The following SLF2 variants were observed in gnomAD, a reference collection of about 807,000 sequenced individuals.
SLF2 encodes the protein SMC5/6 complex localization factor 2, also known as SMC5-SMC6 complex localization factor protein 2.
Under a neutral mutation model 124.3 loss-of-function variants are expected in SLF2, and 68 were observed. That is an observed-to-expected ratio of 0.55 (90% CI 0.45 to 0.67). SLF2 has a LOEUF of 0.67. SLF2 is among the 30% of genes least tolerant of loss of function. The pLI, the probability that SLF2 is intolerant of heterozygous loss-of-function variation, is 0.00. For missense variants in SLF2, 1,246 were observed against 1,373.7 expected (o/e 0.91, Z 1.47); for synonymous variants, 480 against 478.8 (o/e 1.00, Z -0.03).
chr10:100,924,452 C>T lies in SLF2; in HGVS notation c.1451C>T (p.Ser484Phe). ...CTTTCCCGTGTTCCAAGTGCTGGTT[C>T]CTCTCTAGTACCATTAAATGCTAAA... is the stretch of plus-strand genomic sequence containing the variant. Reference protein sequence around the residue: ...PLLSRVPSAGSSLVPLNAKNC... With the variant: ...PLLSRVPSAGFSLVPLNAKNC... The change falls in exon 5 of 20, where the codon TCC becomes TTC. Residue 484 changes from serine (S) to phenylalanine (F), a missense_variant. Ser to Phe is a radical substitution (Grantham distance 155). Around this residue, in one of 3 missense-constraint regions of SLF2, gnomAD observed 698 missense variants for 708.9 expected, o/e 0.98. Transcript: ENST00000238961. 2.5e-6 allele frequency: 4 copies of T among 1,614,144 alleles called. No individual in the cohort carries two copies. In the South Asian group the frequency reaches 4.4e-5, roughly 18 times the overall value.
chr10:100,935,854 T>C (rs953827221), intron 9 of SLF2, among the ~76,000 whole-genome samples: 2 of 132,230 alleles, frequency 1.5e-5, no homozygotes, highest in Non-Finnish European at 3.2e-5. Flanking sequence ...GGTTTTTTTT[T>C]TTTTCTTTTT....
At chr10:100,958,418 TGAGCATTCATTG>T in intron 18 of SLF2, among the ~76,000 whole-genome samples, 1 of 152,374 alleles carries the variant, frequency 6.6e-6, no homozygotes, top group Admixed American at 6.5e-5. Context: ...CACATTCTTT[TGAGCATTCATTG>T]ACCAGAATTG....
At chr10:100,930,718 C>G (rs1163186712) in intron 8 of SLF2, among the ~76,000 whole-genome samples, 1 of 152,198 alleles carries the variant, frequency 6.6e-6, no homozygotes. Context: ...TTGATAGGCT[C>G]TTTCTCAACA....
Position 100,925,352 on chromosome 10 carries a change from A to T in SLF2, c.1971+380A>T, listed in dbSNP as rs541625286. 3.9e-5 allele frequency among the ~76,000 whole-genome samples: 6 copies of T among 152,336 alleles called. No individual in the cohort carries two copies. The South Asian group carries it at 1.0e-3, about 26-fold the overall frequency. The stretch of plus-strand genomic sequence containing the variant: ...TTCCTGTAGAAGTGACGTAGAAGTT[A>T]CTATAGACTAAGTTCTACTGGAGTC... On this transcript the variant is annotated intron_variant, in intron 5 of 19. Transcript: ENST00000238961.
chr10:100,940,550 C>T (rs1421923222), intron 11 of SLF2, among the ~76,000 whole-genome samples: 4 of 151,982 alleles, frequency 2.6e-5, no homozygotes, highest in Non-Finnish European at 5.9e-5. Context: ...TTTGTGGAGA[C>T]GAAGTTTTGC....
Position 100,931,012 on chromosome 10 carries a change from A to G in SLF2, c.2370A>G (p.Gln790=). ...CAGATCAGATTTTTTTGACAACACA[A>G]GGTTTCCTTACGTCTGCTTATCACT... The part of the protein sequence containing the change: ...GKTDQIFLTT[Q]GFLTSAYHYV... The change falls in exon 9 of 20, where the codon CAA becomes CAG. Residue 790 remains glutamine, a synonymous_variant. Transcript: ENST00000238961. The G allele has an allele frequency of 6.2e-7, 1 of 1,614,068 alleles. No individual in the cohort carries two copies. The highest frequency in any genetic ancestry group is 1.6e-4 in the Middle Eastern group (1 of 6,062).
intron 17 of SLF2, among the ~76,000 whole-genome samples, chr10:100,952,115 G>A (rs527825226): frequency 2.6e-5 from 4 of 151,972 alleles, no homozygotes; most frequent in East Asian, 3.9e-4. Flanking sequence ...GTGTTGGTGC[G>A]TGCATGTAAT....
chr10:100,958,943 G>A (rs1437803215), intron 18 of SLF2, among the ~76,000 whole-genome samples: 1 of 152,196 alleles, frequency 6.6e-6, no homozygotes, highest in Non-Finnish European at 1.5e-5. Flanking sequence ...AGCATGGAGA[G>A]GAGTAACAGT....
intron 9 of SLF2, among the ~76,000 whole-genome samples, chr10:100,931,363 A>G (rs1253749581): frequency 6.6e-6 from 1 of 152,222 alleles, no homozygotes; most frequent in Non-Finnish European, 1.5e-5. Context: ...TCTAATGCTT[A>G]CATACCTAAA....
chr10:100,914,007 A>G, intron 1 of SLF2: 2 of 564,036 alleles, frequency 3.5e-6, no homozygotes, highest in Non-Finnish European at 4.5e-6. Flanking sequence ...CCAGAAAGCT[A>G]TGAAAACCAA....
rs770315650 is a variant in SLF2, at chr10:100,913,208, C to T, written c.98C>T (p.Ala33Val). Residue 33 changes from alanine to valine, a missense_variant, in exon 1 of 20, where the codon GCC becomes GTC. Physicochemically the swap from Ala to Val is moderately conservative, Grantham distance 64 (BLOSUM62 0). Around this residue, in one of 3 missense-constraint regions of SLF2, gnomAD observed 698 missense variants for 708.9 expected, o/e 0.98. Coordinates refer to ENST00000238961, the MANE Select transcript of SLF2 (RefSeq NM_018121.4). Reference sequence around the variant, plus strand: ...TGCCATCTGAGACCCGGTAGTACCGCCCATGCTGCAGCGGGAAAGAGAACA... The same window carrying T: ...TGCCATCTGAGACCCGGTAGTACCGTCCATGCTGCAGCGGGAAAGAGAACA... Reference protein sequence around the residue: ...PRCHLRPGSTAHAAAGKRTES... With the variant: ...PRCHLRPGSTVHAAAGKRTES... 6 of 1,612,198 alleles carry T rather than the reference C, an allele frequency of 3.7e-6. No homozygotes were observed. The highest frequency in any genetic ancestry group is 2.5e-6 in the Non-Finnish European group (3 of 1,179,290).
intron 9 of SLF2, 52 bp downstream of exon 9, chr10:100,931,130 CA>C (rs1849726646): frequency 7.3e-7 from 1 of 1,375,478 alleles, no homozygotes; most frequent in African/African-American, 1.5e-5. Flanking sequence ...ATTTCTAAGT[CA>C]AAAGCTTTTA....
At chr10:100,952,799 C>T (rs748596082) in intron 17 of SLF2, among the ~76,000 whole-genome samples, 2 of 150,864 alleles carry the variant, frequency 1.3e-5, no homozygotes, top group Non-Finnish European at 3.0e-5. Flanking sequence ...ATTAGCCGGG[C>T]GTGATGGTGG....
intron 6 of SLF2, among the ~76,000 whole-genome samples, 191 bp from the exon 7 acceptor site, chr10:100,929,126 A>G (rs1849676953): frequency 1.3e-5 from 2 of 152,266 alleles, no homozygotes; most frequent in South Asian, 4.1e-4. Context: ...CACCTGAAAT[A>G]TATCTGTTTT....
intron 19 of SLF2, among the ~76,000 whole-genome samples, chr10:100,960,451 G>A (rs919471220): frequency 6.6e-6 from 1 of 152,160 alleles, no homozygotes; most frequent in African/African-American, 2.4e-5. Context: ...TAAAGCCATA[G>A]TAGGGAGTAG....
chr10:100,947,078 C>T lies in SLF2; in HGVS notation c.2974C>T (p.His992Tyr), dbSNP rs1205119953. 1.2e-6 allele frequency: 2 copies of T among 1,612,608 alleles called. No homozygotes were observed. Among genetic ancestry groups the T allele is most frequent in the Non-Finnish European group, 8.5e-7 (1 of 1,179,452 alleles). The change falls in exon 14 of 20, where the codon CAT becomes TAT. Residue 992 changes from histidine (H) to tyrosine (Y), a missense_variant. By Grantham distance (83) the His-to-Tyr change is moderately conservative. This residue lies in a region of SLF2 where 535 missense variants were observed against 632.8 expected (regional missense o/e 0.85). Transcript: ENST00000238961. Reference sequence around the variant, plus strand: ...TCTGGGCATAAATGAACTCTCCAGTCATCCCCACAACCTCCTGTGGTTGGT... The same window carrying T: ...TCTGGGCATAAATGAACTCTCCAGTTATCCCCACAACCTCCTGTGGTTGGT... The part of the protein sequence containing the change: ...LCLGINELSS[H>Y]PHNLLWLVQL...
chr10:100,963,087 A>C lies in SLF2; in HGVS notation c.*1175A>C, dbSNP rs957420918. On this transcript the variant is annotated 3_prime_UTR_variant, in exon 20 of 20. Coordinates refer to ENST00000238961, the MANE Select transcript of SLF2 (RefSeq NM_018121.4). ...GGGTTTGTTTCCTGAAAGAATGCCA[A>C]CTTTTTTTGTTGTTCTTTCAGTATT... is the stretch of plus-strand genomic sequence containing the variant. 2 of 152,504 alleles carry C rather than the reference A, an allele frequency of 1.3e-5. No individual in the cohort carries two copies. The highest frequency in any genetic ancestry group is 4.8e-5 in the African/African-American group (2 of 41,408). 9.4% of individuals were successfully genotyped at this position (152,504 alleles called of 1,614,324 possible).
chr10:100,932,020 G>A (rs918954134), intron 9 of SLF2, among the ~76,000 whole-genome samples: 8 of 151,846 alleles, frequency 5.3e-5, no homozygotes, highest in African/African-American at 1.9e-4. Flanking sequence ...TATATGGGAG[G>A]GCATGGATGG....
intron 9 of SLF2, among the ~76,000 whole-genome samples, chr10:100,933,099 A>G (rs1169183525): frequency 6.6e-6 from 1 of 152,136 alleles, no homozygotes; most frequent in Non-Finnish European, 1.5e-5. Flanking sequence ...AAGACCCCAT[A>G]TCAAAAAAAC....
Sources: allele counts gnomAD v4.1 joint callset (sites outside exome capture counted in the v4.1 genomes callset), GRCh38; gene constraint gnomAD v4.1.1; regional missense constraint gnomAD v4.1.1; transcripts MANE v1.5; gene names NCBI Gene and HGNC (gene_info 2026-07-23, HGNC 2026-07-21).